The following KCNH7 variants were observed in gnomAD, a reference collection of about 807,000 sequenced individuals.
KCNH7 encodes the protein potassium voltage-gated channel subfamily H member 7.
In KCNH7, 49 loss-of-function variants were observed where a neutral mutation model predicts 120.8. The ratio of observed to expected loss-of-function variants is 0.41; its 90% CI spans 0.32 to 0.51. The LOEUF is 0.51. KCNH7 is among the 20% of genes least tolerant of loss of function. The pLI is 0.38. For synonymous variants in KCNH7, 547 were observed against 516.1 expected (o/e 1.06, Z -0.81); for missense variants, 1,097 against 1,446.6 (o/e 0.76, Z 3.92).
chr2:162,626,022 T>C (rs1683542638), intron 2 of KCNH7, among the ~76,000 whole-genome samples: 1 of 152,126 alleles, frequency 6.6e-6, no homozygotes, highest in Non-Finnish European at 1.5e-5. Context: ...CTAGTTAAAT[T>C]ATGGTTCAAC....
At chr2:162,514,442 A>G (rs1335511940) in intron 4 of KCNH7, among the ~76,000 whole-genome samples, 1 of 151,786 alleles carries the variant, frequency 6.6e-6, no homozygotes, top group African/African-American at 2.4e-5. Context: ...ACCAATTCCA[A>G]GAAAACTAAC....
chr2:162,802,368 T>C (rs1684382725), intron 2 of KCNH7, among the ~76,000 whole-genome samples: 1 of 151,786 alleles, frequency 6.6e-6, no homozygotes, highest in Admixed American at 6.6e-5. Flanking sequence ...AAACTCCACA[T>C]TAGCTTCTGA....
intron 2 of KCNH7, among the ~76,000 whole-genome samples, chr2:162,585,715 C>T (rs1157755178): frequency 6.6e-6 from 1 of 151,586 alleles, no homozygotes; most frequent in South Asian, 2.1e-4. Flanking sequence ...AAATAATTCC[C>T]AGTTTTATAT....
chr2:162,737,849 G>A (rs1687971205), intron 2 of KCNH7, among the ~76,000 whole-genome samples: 1 of 152,078 alleles, frequency 6.6e-6, no homozygotes, highest in Non-Finnish European at 1.5e-5. Flanking sequence ...TGGATCACTT[G>A]AGGTCAGGGG....
chr2:162,579,238 C>G (rs2105913666), intron 2 of KCNH7, among the ~76,000 whole-genome samples: 1 of 152,132 alleles, frequency 6.6e-6, no homozygotes, highest in African/African-American at 2.4e-5. Flanking sequence ...GCTCGTCTCT[C>G]CTCAAGAATC....
At chr2:162,803,548 A>C (rs1684421385) in intron 2 of KCNH7, among the ~76,000 whole-genome samples, 1 of 151,770 alleles carries the variant, frequency 6.6e-6, no homozygotes, top group Admixed American at 6.6e-5. Context: ...CCTGTGGAGT[A>C]GCCTAAATGC....
chr2:162,658,850 T>C (rs889540955), intron 2 of KCNH7, among the ~76,000 whole-genome samples: 1 of 152,238 alleles, frequency 6.6e-6, no homozygotes, highest in East Asian at 1.9e-4. Context: ...TAATTGCTTA[T>C]TAGTTCCAGG....
chr2:162,642,633 T>G (rs1451283117), intron 2 of KCNH7, among the ~76,000 whole-genome samples: 1 of 152,218 alleles, frequency 6.6e-6, no homozygotes, highest in Non-Finnish European at 1.5e-5. Flanking sequence ...ATAGAGCGTC[T>G]TTCATTTATA....
intron 6 of KCNH7, among the ~76,000 whole-genome samples, chr2:162,449,563 A>G (rs918885581): frequency 5.9e-5 from 9 of 152,026 alleles, no homozygotes; most frequent in African/African-American, 1.9e-4. Flanking sequence ...TGGTATCCCT[A>G]TAAGAAGAGA....
intron 2 of KCNH7, among the ~76,000 whole-genome samples, chr2:162,563,697 T>G (rs959340426): frequency 2.0e-5 from 3 of 152,164 alleles, no homozygotes; most frequent in Admixed American, 1.3e-4. Flanking sequence ...ATGTTGGCTG[T>G]TGGGTGAAAG....
chr2:162,825,409 A>G (rs577117718), intron 2 of KCNH7, among the ~76,000 whole-genome samples: 1 of 152,182 alleles, frequency 6.6e-6, no homozygotes, highest in Admixed American at 6.6e-5. Context: ...TGATCAGACA[A>G]TAAGGTACTC....
chr2:162,567,471 T>A (rs1693295576), intron 2 of KCNH7, among the ~76,000 whole-genome samples: 1 of 151,954 alleles, frequency 6.6e-6, no homozygotes, highest in African/African-American at 2.4e-5. Context: ...GTGTGCTTCA[T>A]GGGTGGCAAG....
At chr2:162,780,016 T>C (rs1683415700) in intron 2 of KCNH7, among the ~76,000 whole-genome samples, 1 of 152,212 alleles carries the variant, frequency 6.6e-6, no homozygotes, top group South Asian at 2.1e-4. Flanking sequence ...AGAATGTTAG[T>C]GGTGCAAATG....
chr2:162,600,087 G>A (rs994551014), intron 2 of KCNH7, among the ~76,000 whole-genome samples: 1 of 152,060 alleles, frequency 6.6e-6, no homozygotes, highest in African/African-American at 2.4e-5. Flanking sequence ...ATGATGTGAT[G>A]TACTTGGCAA....
In KCNH7 at chr2:162,449,128, T is replaced by G. The variant is rs113035115; in HGVS notation, c.1129-2685A>C. 3.9e-5 allele frequency among the ~76,000 whole-genome samples: 6 copies of G among 152,096 alleles called. 1 individual carries two copies. The highest frequency in any genetic ancestry group is 1.2e-4 in the African/African-American group (5 of 41,530). ...GGGAATTGTAAGCAGCCTTATATTT[T>G]ACTAAAGAATAAAATGCCAGGGAAG... On this transcript the variant is annotated intron_variant, in intron 6 of 15. Coordinates refer to ENST00000332142, the MANE Select transcript of KCNH7 (RefSeq NM_033272.4).
intron 2 of KCNH7, among the ~76,000 whole-genome samples, chr2:162,567,071 A>T (rs1283769234): frequency 6.6e-6 from 1 of 152,040 alleles, no homozygotes; most frequent in East Asian, 1.9e-4. Flanking sequence ...AGACAACTGA[A>T]AAAGTAAGAA....
chr2:162,523,314 T>C (rs139226662), intron 3 of KCNH7, among the ~76,000 whole-genome samples: 1,528 of 151,974 alleles, frequency 0.01, 24 homozygotes, highest in African/African-American at 0.033. Flanking sequence ...CCCTTCAACA[T>C]TGACCTCCCC....
chr2:162,781,667 A>G (rs77954459), intron 2 of KCNH7, among the ~76,000 whole-genome samples: 1,937 of 152,248 alleles, frequency 0.013, 17 homozygotes, highest in Non-Finnish European at 0.021. Context: ...GTCCTTAAAG[A>G]TTAGTGTCTA....
chr2:162,421,132 G>A (rs189049950), intron 9 of KCNH7, among the ~76,000 whole-genome samples: 2 of 152,172 alleles, frequency 1.3e-5, no homozygotes, highest in African/African-American at 2.4e-5. Flanking sequence ...CAAGAAGTCC[G>A]TGCAAAGTCA....
Sources: allele counts gnomAD v4.1 joint callset (sites outside exome capture counted in the v4.1 genomes callset), GRCh38; gene constraint gnomAD v4.1.1; transcripts MANE v1.5; gene names NCBI Gene and HGNC (gene_info 2026-07-23, HGNC 2026-07-21).